Variants in PSD3 observed in about 807,000 individuals in gnomAD.
PSD3 encodes the protein pleckstrin and Sec7 domain containing 3.
In PSD3, 49 loss-of-function variants were observed where a neutral mutation model predicts 105.5. The ratio of observed to expected loss-of-function variants is 0.46; its 90% CI spans 0.37 to 0.59. The LOEUF is 0.59. Ranked by LOEUF, PSD3 falls within the 20% of genes least tolerant of loss-of-function variation. PSD3 has a pLI of 0.00. For synonymous variants in PSD3, 557 were observed against 457.8 expected (o/e 1.22, Z -2.77); for missense variants, 1,561 against 1,263.8 (o/e 1.24, Z -3.57).
At chr8:18,699,472 T>G (rs6980862) in intron 9 of PSD3, among the ~76,000 whole-genome samples, 3,331 of 152,266 alleles carry the variant, frequency 0.022, 60 homozygotes, top group African/African-American at 0.051. Context: ...GACCCAACAT[T>G]TCTTTCTTGA....
At chr8:18,993,745 C>A (rs1446299334) in intron 1 of PSD3, among the ~76,000 whole-genome samples, 2 of 151,878 alleles carry the variant, frequency 1.3e-5, no homozygotes, top group Non-Finnish European at 2.9e-5. Context: ...AATCGAAGAT[C>A]AATCAGAAAC....
In PSD3 at chr8:19,074,611, A is replaced by ATTTTT. The variant is rs1206111403; in HGVS notation, c.324+9590_324+9594dup. ...TATATACATATATATATATATATAT[A>ATTTTT]TTTTTTTTTTTTTTTTTTTTTTTTT... is the stretch of plus-strand genomic sequence containing the variant. On this transcript the variant is annotated intron_variant, in intron 1 of 1. Coordinates refer to the PSD3 transcript ENST00000521475. Among the ~76,000 whole-genome samples the ATTTTT allele has an allele frequency of 9.5e-4, 23 of 24,214 alleles. 2 individuals are homozygous for ATTTTT. The highest frequency in any genetic ancestry group is 6.1e-3 in the Admixed American group (9 of 1,478). The allele number at this position is 24,214 out of a possible 152,430, so 15.9% of individuals were successfully genotyped here. A position where few individuals can be genotyped will look rare whatever the true frequency, so the allele number is the denominator to read the frequency against.
At chr8:18,580,018 T>C (rs1802705322) in intron 12 of PSD3, among the ~76,000 whole-genome samples, 1 of 152,214 alleles carries the variant, frequency 6.6e-6, no homozygotes, top group African/African-American at 2.4e-5. Context: ...TCCTAAATTG[T>C]CTATTAATTC....
intron 2 of PSD3, among the ~76,000 whole-genome samples, chr8:18,933,536 C>T (rs980923489): frequency 3.3e-5 from 5 of 152,134 alleles, no homozygotes; most frequent in Non-Finnish European, 5.9e-5. Context: ...GGCATGATCT[C>T]GGCTCACTGC....
At chr8:18,670,297 A>G (rs1355611098) in intron 9 of PSD3, among the ~76,000 whole-genome samples, 3 of 152,170 alleles carry the variant, frequency 2.0e-5, no homozygotes, top group Non-Finnish European at 4.4e-5. Flanking sequence ...CTGTGGTGTG[A>G]GCAGGTCCCG....
At chr8:18,812,669 C>A (rs914514824) in intron 4 of PSD3, among the ~76,000 whole-genome samples, 2 of 152,104 alleles carry the variant, frequency 1.3e-5, no homozygotes, top group Admixed American at 1.3e-4. Flanking sequence ...AAAGTTAACA[C>A]AGGTTGTGAG....
intron 12 of PSD3, among the ~76,000 whole-genome samples, chr8:18,578,031 T>A (rs1393863583): frequency 6.6e-6 from 1 of 152,088 alleles, no homozygotes; most frequent in Non-Finnish European, 1.5e-5. Context: ...ATGGCTGCAG[T>A]CTTCTTCATT....
Position 18,792,286 on chromosome 8 carries a change from T to C in PSD3, c.2082+7009A>G, listed in dbSNP as rs150628420. Among the ~76,000 whole-genome samples, 530 of 152,240 alleles carry C rather than the reference T, an allele frequency of 3.5e-3. 4 individuals are homozygous for C. Among genetic ancestry groups the C allele is most frequent in the African/African-American group, 0.012 (487 of 41,528 alleles). On this transcript the variant is annotated intron_variant, in intron 8 of 15. Coordinates refer to ENST00000327040, the MANE Select transcript of PSD3 (RefSeq NM_015310.4). ...CATGCATATGTTAATTGCAGCACTATTTACAGTAGGAAAGACATGGAATCA... is the reference window on the plus strand; with the variant it reads ...CATGCATATGTTAATTGCAGCACTACTTACAGTAGGAAAGACATGGAATCA...
chr8:18,837,595 A>C lies in PSD3; in HGVS notation c.1634+30079T>G, dbSNP rs376709086. 7.8e-4 allele frequency among the ~76,000 whole-genome samples: 119 copies of C among 152,202 alleles called. 2 individuals carry two copies. In the South Asian group the frequency reaches 0.024, roughly 31 times the overall value. Reference sequence around the variant, plus strand: ...TTTAGTTCTTGATGTTTTAATACTCACTGGCAAAAGATGATAAATGTAGAT... The same window carrying C: ...TTTAGTTCTTGATGTTTTAATACTCCCTGGCAAAAGATGATAAATGTAGAT... On this transcript the variant is annotated intron_variant, in intron 4 of 15. Transcript: ENST00000327040.
chr8:18,673,271 CCA>C (rs1799888545), intron 9 of PSD3, among the ~76,000 whole-genome samples: 1 of 151,990 alleles, frequency 6.6e-6, no homozygotes, highest in South Asian at 2.1e-4. Context: ...TAAAATCATA[CCA>C]CAGTCACAAT....
chr8:19,025,300 T>A (rs1006166914), intron 1 of PSD3, among the ~76,000 whole-genome samples: 1 of 152,182 alleles, frequency 6.6e-6, no homozygotes, highest in African/African-American at 2.4e-5. Flanking sequence ...TATCTTTTTC[T>A]AGAAATCTTC....
chr8:18,815,340 G>A (rs1250471086), intron 4 of PSD3, among the ~76,000 whole-genome samples: 3 of 151,894 alleles, frequency 2.0e-5, no homozygotes, highest in Non-Finnish European at 2.9e-5. Flanking sequence ...ATGGAGTCTC[G>A]CTCTGTTGCC....
chr8:18,576,018 TACC>T (rs1802442440), intron 12 of PSD3, among the ~76,000 whole-genome samples: 1 of 152,142 alleles, frequency 6.6e-6, no homozygotes, highest in Non-Finnish European at 1.5e-5. Context: ...CACACACGTG[TACC>T]CCCGAACACA....
At chr8:18,988,818 T>C (rs1210651005) in intron 1 of PSD3, among the ~76,000 whole-genome samples, 1 of 152,186 alleles carries the variant, frequency 6.6e-6, no homozygotes, top group Non-Finnish European at 1.5e-5. Flanking sequence ...GTTTCTGAAA[T>C]TCTCTTAACC....
chr8:18,616,903 G>C (rs1039295975), intron 11 of PSD3, among the ~76,000 whole-genome samples: 2 of 152,030 alleles, frequency 1.3e-5, no homozygotes, highest in Admixed American at 6.6e-5. Flanking sequence ...GATTACAGGC[G>C]TGAGCCACCG....
intron 9 of PSD3, among the ~76,000 whole-genome samples, chr8:18,691,895 A>T (rs976896131): frequency 1.2e-4 from 18 of 152,364 alleles, no homozygotes; most frequent in African/African-American, 4.3e-4. Flanking sequence ...TTCTAAAAAA[A>T]GATTATTTGA....
chr8:18,572,616 A>G lies in PSD3; in HGVS notation c.2696T>C (p.Phe899Ser). The G allele has an allele frequency of 6.2e-7, 1 of 1,614,106 alleles. No homozygotes were observed. Among genetic ancestry groups the G allele is most frequent in the Non-Finnish European group, 8.5e-7 (1 of 1,179,962 alleles). ...TGCTGCTGGAAATGGTGGTGCAGAA[A>G]ATACAGCTGCCACACAATTGATTTT... ...INKINCVAAV[F>S]SAPPFPAAIG... The change falls in exon 14 of 16, where the codon TTT (phenylalanine) becomes TCT (serine). Residue 899 changes from phenylalanine to serine, a missense_variant. Coordinates refer to ENST00000327040, the MANE Select transcript of PSD3 (RefSeq NM_015310.4).
chr8:18,733,539 A>T (rs1260490252), intron 9 of PSD3: 4 of 152,688 alleles, frequency 2.6e-5, no homozygotes, highest in Non-Finnish European at 5.9e-5. Flanking sequence ...GGGTTTGCCC[A>T]GCAAAGTGGA....
chr8:18,723,672 C>T (rs753092421), intron 9 of PSD3, among the ~76,000 whole-genome samples: 6 of 152,224 alleles, frequency 3.9e-5, no homozygotes, highest in Non-Finnish European at 7.3e-5. Flanking sequence ...GTCAGTGGCA[C>T]TGCACTGTTT....
Sources: gnomAD v4.1 joint callset for allele counts (sites outside exome capture counted in the v4.1 genomes callset) on GRCh38, gnomAD v4.1.1 for gene constraint, MANE v1.5 for transcripts, NCBI Gene and HGNC (gene_info 2026-07-23, HGNC 2026-07-21) for gene names.